Variants in PHF2 observed in about 807,000 individuals in gnomAD.
PHF2 encodes the protein PHD finger protein 2, also known as lysine-specific demethylase PHF2.
A neutral mutation model predicts 120.5 loss-of-function variants in PHF2; 27 were observed. The ratio of observed to expected loss-of-function variants is 0.22; its 90% CI spans 0.17 to 0.31. The LOEUF is 0.31. Among genes scored for constraint, PHF2 ranks in the 10% least tolerant of loss-of-function variants. The pLI is 1.00. For synonymous variants in PHF2, 568 were observed against 592.5 expected, an observed-to-expected ratio of 0.96 and a Z score of 0.60; for missense variants, 1,024 against 1,434.8, an observed-to-expected ratio of 0.71 and a Z score of 4.63.
intron 17 of PHF2, among the ~76,000 whole-genome samples, chr9:93,668,662 G>A (rs951020461): frequency 7.9e-5 from 12 of 152,148 alleles, no homozygotes; most frequent in Non-Finnish European, 1.5e-4. Context: ...GTGAGGAGGC[G>A]CTGTGTCCTG....
At chr9:93,610,674 G>GT (rs753019509) in intron 1 of PHF2, among the ~76,000 whole-genome samples, 32 of 151,600 alleles carry the variant, frequency 2.1e-4, no homozygotes, top group Admixed American at 5.2e-4. Flanking sequence ...ATGTTTTGTA[G>GT]TAAAAAAAAA....
At chr9:93,577,422 G>A (rs1862845977) in intron 1 of PHF2, among the ~76,000 whole-genome samples, 1 of 152,002 alleles carries the variant, frequency 6.6e-6, no homozygotes, top group South Asian at 2.1e-4. Flanking sequence ...CCGGCGAGGT[G>A]GCAGCCGGCG....
chr9:93,675,375 G>A (rs1826890097), intron 19 of PHF2, among the ~76,000 whole-genome samples: 1 of 152,250 alleles, frequency 6.6e-6, no homozygotes, highest in African/African-American at 2.4e-5. Context: ...AGGGACACCT[G>A]CTGGGGCAGC....
intron 4 of PHF2, among the ~76,000 whole-genome samples, chr9:93,647,507 C>CATGAGGGCTT (rs1826282568): frequency 6.6e-6 from 1 of 152,180 alleles, no homozygotes; most frequent in African/African-American, 2.4e-5. Context: ...AAACAGTAAG[C>CATGAGGGCTT]CCTCATGCAC....
At chr9:93,664,703 G>A (rs775827271) in intron 14 of PHF2, among the ~76,000 whole-genome samples, 2 of 152,222 alleles carry the variant, frequency 1.3e-5, no homozygotes, top group Non-Finnish European at 2.9e-5. Context: ...GGCCCTGGGC[G>A]TGTCACTTGC....
At chr9:93,593,236 C>T (rs1825268802) in intron 1 of PHF2, among the ~76,000 whole-genome samples, 1 of 152,148 alleles carries the variant, frequency 6.6e-6, no homozygotes. Flanking sequence ...AAGCTGACCC[C>T]TGAGGGCTGC....
At chr9:93,637,259 G>A (rs906008608) in intron 3 of PHF2, among the ~76,000 whole-genome samples, 3 of 152,136 alleles carry the variant, frequency 2.0e-5, no homozygotes, top group Non-Finnish European at 4.4e-5. Context: ...ACCCTTCTCT[G>A]GGTAAGGTGT....
chr9:93,606,591 G>A (rs1564378621), intron 1 of PHF2, among the ~76,000 whole-genome samples: 1 of 152,150 alleles, frequency 6.6e-6, no homozygotes, highest in East Asian at 1.9e-4. Context: ...TGCATACTTT[G>A]GATAACAGTC....
chr9:93,598,937 C>G (rs892801548), intron 1 of PHF2, among the ~76,000 whole-genome samples: 1 of 152,234 alleles, frequency 6.6e-6, no homozygotes, highest in African/African-American at 2.4e-5. Flanking sequence ...TGAGCCCCAC[C>G]TTTTGACGTG....
chr9:93,595,487 T>G (rs1825314473), intron 1 of PHF2, among the ~76,000 whole-genome samples: 1 of 152,210 alleles, frequency 6.6e-6, no homozygotes, highest in Non-Finnish European at 1.5e-5. Flanking sequence ...TGAAGAAATT[T>G]AGGATTTGGA....
chr9:93,602,232 G>T (rs1825453639), intron 1 of PHF2, among the ~76,000 whole-genome samples: 1 of 135,316 alleles, frequency 7.4e-6, no homozygotes. Context: ...AAGTCATTTT[G>T]CATTCCTAGA....
chr9:93,631,828 C>T (rs1002212598), intron 2 of PHF2, among the ~76,000 whole-genome samples: 6 of 151,818 alleles, frequency 4.0e-5, no homozygotes, highest in Non-Finnish European at 8.8e-5. Context: ...GCTGGGGTGG[C>T]GTTGCTTTTG....
intron 2 of PHF2, among the ~76,000 whole-genome samples, chr9:93,634,391 A>T (rs1418463013): frequency 6.6e-6 from 1 of 152,072 alleles, no homozygotes; most frequent in Non-Finnish European, 1.5e-5. Context: ...CTCAGCACAC[A>T]CACCTCTAGG....
chr9:93,670,963 G>A lies in PHF2; in HGVS notation c.2349-2622G>A, dbSNP rs928479212. On this transcript the variant is annotated intron_variant, in intron 17 of 21. Coordinates refer to ENST00000359246, the MANE Select transcript of PHF2 (RefSeq NM_005392.4). ...AGCCTGCCAGAAGTGGGTGAACTTGGACTGAGCTGAGGTGCAGCTGTGTCT... is the reference window on the plus strand; with the variant it reads ...AGCCTGCCAGAAGTGGGTGAACTTGAACTGAGCTGAGGTGCAGCTGTGTCT... 19 of 975,146 alleles carry A rather than the reference G, an allele frequency of 1.9e-5. No homozygotes were observed. In the Middle Eastern group the frequency reaches 1.6e-3, roughly 80 times the overall value. 60.4% of individuals were successfully genotyped at this position (975,146 alleles called of 1,614,324 possible).
At chr9:93,593,156 A>T (rs1182168366) in intron 1 of PHF2, among the ~76,000 whole-genome samples, 1 of 150,380 alleles carries the variant, frequency 6.6e-6, no homozygotes, top group Admixed American at 6.6e-5. Context: ...TTCCAGCAGG[A>T]CGGGACATGG....
chr9:93,663,612 T>C lies in PHF2; in HGVS notation c.1914T>C (p.Ser638=), dbSNP rs146402619. ...ACAAAGACAATAAGTTCTCTTTTTC[T>C]TTCTCCAACAAGAAACTCCTCGGGT... ...AGNKDNKFSF[S]FSNKKLLGSK... is the part of the protein sequence containing the mutation. The change falls in exon 14 of 22, where the codon TCT becomes TCC. Residue 638 remains serine (S), a synonymous_variant. Coordinates refer to ENST00000359246, the MANE Select transcript of PHF2 (RefSeq NM_005392.4). 1.2e-6 allele frequency: 2 copies of C among 1,612,280 alleles called. No individual in the cohort carries two copies. Among genetic ancestry groups the C allele is most frequent in the Non-Finnish European group, 1.7e-6 (2 of 1,178,852 alleles).
intron 3 of PHF2, among the ~76,000 whole-genome samples, chr9:93,638,150 T>C (rs1332285740): frequency 2.6e-5 from 4 of 152,110 alleles, no homozygotes; most frequent in Non-Finnish European, 5.9e-5. Context: ...TTATTGAGTT[T>C]AAAAGTTTCA....
intron 17 of PHF2, among the ~76,000 whole-genome samples, chr9:93,668,451 C>G (rs1826721980): frequency 1.3e-5 from 2 of 152,082 alleles, no homozygotes; most frequent in African/African-American, 4.8e-5. Context: ...GCAGGAGAGG[C>G]CCCTAAACAC....
At chr9:93,634,522 G>A (rs1179315759) in intron 2 of PHF2, among the ~76,000 whole-genome samples, 4 of 152,220 alleles carry the variant, frequency 2.6e-5, no homozygotes, top group Non-Finnish European at 4.4e-5. Flanking sequence ...TACTCAGTGA[G>A]TGCTTGCAAA....
Sources: allele counts gnomAD v4.1 joint callset (sites outside exome capture counted in the v4.1 genomes callset), GRCh38; gene constraint gnomAD v4.1.1; transcripts MANE v1.5; gene names NCBI Gene and HGNC (gene_info 2026-07-23, HGNC 2026-07-21).